LRRC15: variants seen among roughly 807,000 people sequenced by gnomAD.
LRRC15 encodes the protein leucine rich repeat containing 15.
In LRRC15, 5 loss-of-function variants were observed where a neutral mutation model predicts 4.3. That is an observed-to-expected ratio of 1.16 (90% confidence interval 0.61 to 2.44). The LOEUF (loss-of-function observed/expected upper bound fraction) is 2.44. LRRC15 is among the 30% of genes most tolerant of loss of function. LRRC15 has a pLI of 0.01. For synonymous variants in LRRC15, 337 were observed against 323.2 expected (o/e 1.04, Z -0.46); for missense variants, 769 against 747.0 (o/e 1.03, Z -0.34).
Position 194,359,954 on chromosome 3 carries a change from A to G in LRRC15, c.1090T>C (p.Leu364=). ...AGGGAGATGTTCTGCAGGTTGGCCA[A>G]CATGCGGAAGACGTTCCCGTCCAGG... ...QDLDGNVFRM[L]ANLQNISLQN... Residue 364 remains leucine (L), a synonymous_variant, in exon 2 of 2, where the codon TTG becomes CTG. Coordinates refer to ENST00000347624, the MANE Select transcript of LRRC15 (RefSeq NM_130830.5). The G allele has an allele frequency of 6.2e-7, 1 of 1,614,194 alleles. No homozygotes were observed. Among genetic ancestry groups the G allele is most frequent in the Non-Finnish European group, 8.5e-7 (1 of 1,180,034 alleles).
chr3:194,356,048 CG>C lies in LRRC15; in HGVS notation c.*3249del, dbSNP rs941915809. On this transcript the variant is annotated 3_prime_UTR_variant, in exon 2 of 2. Coordinates refer to ENST00000347624, the MANE Select transcript of LRRC15 (RefSeq NM_130830.5). ...GCTTCCATTTCCTTTGGTTTAATGA[CG>C]AAAGCCCAAGACAAGCCATGAGCTC... 1.3e-5 allele frequency: 2 copies of C among 152,104 alleles called. No homozygotes were observed. The highest frequency in any genetic ancestry group is 2.9e-5 in the Non-Finnish European group (2 of 68,038). 9.4% of individuals were successfully genotyped at this position (152,104 alleles called of 1,614,324 possible).
intron 1 of LRRC15, among the ~76,000 whole-genome samples, chr3:194,364,484 C>A (rs908725675): frequency 2.0e-5 from 3 of 152,176 alleles, no homozygotes; most frequent in Non-Finnish European, 4.4e-5. Flanking sequence ...TGTCACCTGG[C>A]CAGCCCAGGG....
chr3:194,359,304 C>A lies in LRRC15; in HGVS notation c.1740G>T (p.Glu580Asp), dbSNP rs73081778. The change falls in exon 2 of 2, where the codon GAG (glutamate) becomes GAT (aspartate). Residue 580 changes from glutamate to aspartate, a missense_variant. Coordinates refer to ENST00000347624, the MANE Select transcript of LRRC15 (RefSeq NM_130830.5). ...AVLMQMKAPN[E>D]C ...CCTGCTCCAGCCTGCCTCTTTAACACTCATTGGGTGCCTTCATCTGCATCA... is the reference window on the plus strand; with the variant it reads ...CCTGCTCCAGCCTGCCTCTTTAACAATCATTGGGTGCCTTCATCTGCATCA... 1.4e-5 allele frequency: 22 copies of A among 1,585,042 alleles called. No individual in the cohort carries two copies. The highest frequency in any genetic ancestry group is 1.7e-5 in the Non-Finnish European group (20 of 1,164,532).
chr3:194,365,080 G>A (rs532053860), intron 1 of LRRC15, among the ~76,000 whole-genome samples: 1 of 152,358 alleles, frequency 6.6e-6, no homozygotes, highest in African/African-American at 2.4e-5. Flanking sequence ...GGGCCACAAA[G>A]CTGCCCTAAT....
chr3:194,363,190 C>T (rs1402506460), intron 1 of LRRC15, among the ~76,000 whole-genome samples: 2 of 152,106 alleles, frequency 1.3e-5, no homozygotes, highest in East Asian at 1.9e-4. Context: ...CTGCCCACCT[C>T]GGTCTCCCAA....
chr3:194,359,316 C>T lies in LRRC15; in HGVS notation c.1728G>A (p.Lys576=). ...TGCCTCTTTAACACTCATTGGGTGC[C>T]TTCATCTGCATCAGGACAGCTTGGC... ...KRSQAVLMQM[K]APNEC The change falls in exon 2 of 2, where the codon AAG becomes AAA. Residue 576 remains lysine (K), a synonymous_variant. Coordinates refer to ENST00000347624, the MANE Select transcript of LRRC15 (RefSeq NM_130830.5). 1.3e-6 allele frequency: 2 copies of T among 1,598,764 alleles called. No homozygotes were observed. The highest frequency in any genetic ancestry group is 1.7e-6 in the Non-Finnish European group (2 of 1,171,342).
Position 194,359,986 on chromosome 3 carries a change from A to C in LRRC15, c.1058T>G (p.Leu353Arg). The stretch of plus-strand genomic sequence containing the variant: ...GAAGACGTTCCCGTCCAGGTCCTGC[A>C]GTGCGTTGGTGTGGAGGGACAGCTC... Reference protein sequence around the residue: ...LRELSLHTNALQDLDGNVFRM... With the variant: ...LRELSLHTNARQDLDGNVFRM... The change falls in exon 2 of 2, where the codon CTG becomes CGG. Residue 353 changes from leucine to arginine, a missense_variant. Leu to Arg is a moderately radical substitution (Grantham distance 102). Coordinates refer to ENST00000347624, the MANE Select transcript of LRRC15 (RefSeq NM_130830.5). 2 of 1,614,208 alleles carry C rather than the reference A, an allele frequency of 1.2e-6. No individual in the cohort carries two copies. Among genetic ancestry groups the C allele is most frequent in the South Asian group, 2.2e-5 (2 of 91,070 alleles).
chr3:194,365,119 C>T (rs1348053953), intron 1 of LRRC15, among the ~76,000 whole-genome samples: 2 of 152,244 alleles, frequency 1.3e-5, no homozygotes, highest in Non-Finnish European at 2.9e-5. Flanking sequence ...CAGCCGAGAG[C>T]GTCGTCAATC....
chr3:194,363,249 T>A (rs2108659029), intron 1 of LRRC15: 2 of 569,696 alleles, frequency 3.5e-6, no homozygotes, highest in East Asian at 6.4e-5. Flanking sequence ...AAGACCTTGA[T>A]TTTTTTACTT....
chr3:194,358,381 T>G lies in LRRC15; in HGVS notation c.*917A>C, dbSNP rs972048833. 1.3e-5 allele frequency: 2 copies of G among 152,224 alleles called. No homozygotes were observed. The highest frequency in any genetic ancestry group is 2.9e-5 in the Non-Finnish European group (2 of 68,048). The allele number at this position is 152,224 out of a possible 1,614,324, so 9.4% of individuals were successfully genotyped here. A position where few individuals can be genotyped will look rare whatever the true frequency, so the allele number is the denominator to read the frequency against. On this transcript the variant is annotated 3_prime_UTR_variant, in exon 2 of 2. Coordinates refer to ENST00000347624, the MANE Select transcript of LRRC15 (RefSeq NM_130830.5). ...ACACTTCACATGCTTCAATTAAAAA[T>G]TTTAAAACAAACTCTAGGGGTGAAC...
intron 1 of LRRC15, among the ~76,000 whole-genome samples, chr3:194,363,637 G>A (rs1437779648): frequency 1.5e-5 from 2 of 129,716 alleles, no homozygotes; most frequent in East Asian, 3.9e-4. Context: ...GAAAAAAGGA[G>A]GTGATGGTCT....
At chr3:194,368,398 C>T (rs1713841003) in intron 1 of LRRC15, among the ~76,000 whole-genome samples, 1 of 152,114 alleles carries the variant, frequency 6.6e-6, no homozygotes, top group African/African-American at 2.4e-5. Flanking sequence ...TCTGTCGAAT[C>T]TATCCAGAAC....
intron 1 of LRRC15, among the ~76,000 whole-genome samples, chr3:194,366,221 C>T (rs926747824): frequency 3.3e-5 from 5 of 152,228 alleles, no homozygotes; most frequent in Non-Finnish European, 7.3e-5. Context: ...TCTCCTGGGG[C>T]AGCACATAAA....
At chr3:194,366,852 C>A (rs1577002053) in intron 1 of LRRC15, among the ~76,000 whole-genome samples, 1 of 152,142 alleles carries the variant, frequency 6.6e-6, no homozygotes, top group Non-Finnish European at 1.5e-5. Flanking sequence ...GAGACTTGCC[C>A]AAGGTCACAC....
intron 1 of LRRC15, among the ~76,000 whole-genome samples, chr3:194,367,044 TC>T (rs1433345588): frequency 6.6e-6 from 1 of 152,152 alleles, no homozygotes; most frequent in Non-Finnish European, 1.5e-5. Context: ...CAATCCACCT[TC>T]CCCCTGCCCA....
At position 194,356,241 on chromosome 3, in the gene LRRC15, G is replaced by A. The variant is rs1160687736; in HGVS notation, c.*3057C>T. 6.6e-6 allele frequency: 1 copy of A among 152,204 alleles called. No individual in the cohort carries two copies. Among genetic ancestry groups the A allele is most frequent in the Non-Finnish European group, 1.5e-5 (1 of 68,040 alleles). 9.4% of individuals were successfully genotyped at this position (152,204 alleles called of 1,614,324 possible). Reference sequence around the variant, plus strand: ...CGTCCAGTGCTTGAAGAGTATCTGTGCACAGTAAGCACTTTTTAAAAATAG... The same window carrying A: ...CGTCCAGTGCTTGAAGAGTATCTGTACACAGTAAGCACTTTTTAAAAATAG... On this transcript the variant is annotated 3_prime_UTR_variant, in exon 2 of 2. Coordinates refer to ENST00000347624, the MANE Select transcript of LRRC15 (RefSeq NM_130830.5).
At chr3:194,365,178 T>G (rs1475845030) in intron 1 of LRRC15, among the ~76,000 whole-genome samples, 1 of 152,098 alleles carries the variant, frequency 6.6e-6, no homozygotes, top group African/African-American at 2.4e-5. Flanking sequence ...GAAGGGGGAA[T>G]AGCCTGGTGT....
intron 1 of LRRC15, chr3:194,363,377 G>A (rs763841823): frequency 1.4e-6 from 1 of 714,544 alleles, no homozygotes; most frequent in South Asian, 1.5e-5. Flanking sequence ...GCATCTAGAT[G>A]CAAAGGAATG....
In LRRC15 at chr3:194,359,469, A is replaced by G. The variant is rs1314072502; in HGVS notation, c.1575T>C (p.Asp525=). 1 of 1,614,256 alleles carries G rather than the reference A, an allele frequency of 6.2e-7. No individual in the cohort carries two copies. The highest frequency in any genetic ancestry group is 2.2e-5 in the East Asian group (1 of 44,886). ...GGGTCATGCCCCAAACGCTGCGGTCATCAGTGACCTGAATGGTAGTCAGAT... is the reference window on the plus strand; with the variant it reads ...GGGTCATGCCCCAAACGCTGCGGTCGTCAGTGACCTGAATGGTAGTCAGAT... ...YTDLTTIQVT[D]DRSVWGMTQA... The change falls in exon 2 of 2, where the codon GAT becomes GAC. Residue 525 remains aspartate, a synonymous_variant. Coordinates refer to ENST00000347624, the MANE Select transcript of LRRC15 (RefSeq NM_130830.5).
Sources: allele counts gnomAD v4.1 joint callset (sites outside exome capture counted in the v4.1 genomes callset), GRCh38; gene constraint gnomAD v4.1.1; transcripts MANE v1.5; gene names NCBI Gene and HGNC (gene_info 2026-07-23, HGNC 2026-07-21).